NCAM2: variants seen among roughly 807,000 people sequenced by gnomAD.
NCAM2 encodes neural cell adhesion molecule 2.
A neutral mutation model predicts 98.1 loss-of-function variants in NCAM2; 30 were observed. That is an observed-to-expected ratio of 0.31 (90% confidence interval 0.23 to 0.41). NCAM2 has a LOEUF of 0.41. NCAM2 is among the 10% of genes least tolerant of loss of function. The probability of loss-of-function intolerance (pLI) is 1.00; values close to 1 mark genes in which losing one functional copy is unlikely to be tolerated. For missense variants in NCAM2, 867 were observed against 1,005.8 expected (o/e 0.86, Z 1.87); for synonymous variants, 368 against 342.4 (o/e 1.07, Z -0.83).
In NCAM2 at chr21:21,167,527, A is replaced by G. The variant is rs150818582; in HGVS notation, c.56-113051A>G. 2.4e-3 allele frequency among the ~76,000 whole-genome samples: 372 copies of G among 152,258 alleles called. 2 individuals carry two copies. Among genetic ancestry groups the G allele is most frequent in the African/African-American group, 8.2e-3 (339 of 41,566 alleles). ...ACAGGAAATCAAGAGAGAAAAATCA[A>G]TGTTTAATAAGATTAGATAAGAGTA... On this transcript the variant is annotated intron_variant, in intron 1 of 17. Coordinates refer to ENST00000400546, the MANE Select transcript of NCAM2 (RefSeq NM_004540.5).
At chr21:21,342,542 T>G (rs1231835347) in intron 8 of NCAM2, among the ~76,000 whole-genome samples, 1 of 152,166 alleles carries the variant, frequency 6.6e-6, no homozygotes, top group Admixed American at 6.6e-5. Flanking sequence ...GCCTGCTGTC[T>G]TTTGTGGCAG....
intron 14 of NCAM2, among the ~76,000 whole-genome samples, chr21:21,470,270 C>G (rs1461814731): frequency 6.6e-6 from 1 of 151,980 alleles, no homozygotes; most frequent in African/African-American, 2.4e-5. Flanking sequence ...TATACATATA[C>G]ACAGTTTAAA....
intron 1 of NCAM2, among the ~76,000 whole-genome samples, chr21:21,175,257 G>A (rs998046876): frequency 2.6e-5 from 4 of 152,028 alleles, no homozygotes; most frequent in African/African-American, 7.2e-5. Flanking sequence ...GGTGGTGGCC[G>A]GGTACCGTGG....
chr21:21,311,162 A>C (rs2074037651), intron 5 of NCAM2, among the ~76,000 whole-genome samples: 1 of 152,204 alleles, frequency 6.6e-6, no homozygotes, highest in Non-Finnish European at 1.5e-5. Context: ...GCTTTATATT[A>C]GTTTTAAAAG....
chr21:21,392,209 G>T (rs1236168583), intron 9 of NCAM2, among the ~76,000 whole-genome samples: 1 of 152,120 alleles, frequency 6.6e-6, no homozygotes, highest in East Asian at 1.9e-4. Flanking sequence ...ATAATTGGTT[G>T]TCTGTTCCTA....
intron 1 of NCAM2, among the ~76,000 whole-genome samples, chr21:21,265,485 TACAC>T (rs1444600026): frequency 7.2e-6 from 1 of 139,500 alleles, no homozygotes; most frequent in African/African-American, 2.7e-5. Context: ...ATATTATATA[TACAC>T]ATATATAATA....
chr21:21,421,705 A>G (rs1225006243), intron 11 of NCAM2, among the ~76,000 whole-genome samples: 1 of 152,192 alleles, frequency 6.6e-6, no homozygotes. Flanking sequence ...ATTTCCTAAT[A>G]TATGAGGATA....
At chr21:21,462,979 A>G (rs1983187993) in intron 12 of NCAM2, among the ~76,000 whole-genome samples, 1 of 152,068 alleles carries the variant, frequency 6.6e-6, no homozygotes, top group Non-Finnish European at 1.5e-5. Context: ...TTTCTAGTAA[A>G]TTACAAGGCA....
chr21:21,228,619 G>GATAC (rs2070489558), intron 1 of NCAM2, among the ~76,000 whole-genome samples: 1 of 151,292 alleles, frequency 6.6e-6, no homozygotes, highest in South Asian at 2.1e-4. Flanking sequence ...TGTTAAAAAG[G>GATAC]ATACAGTTCA....
chr21:20,999,933 G>A (rs1303912808), intron 1 of NCAM2, among the ~76,000 whole-genome samples: 1 of 152,156 alleles, frequency 6.6e-6, no homozygotes, highest in East Asian at 1.9e-4. Context: ...ACGATTGGAT[G>A]CAGATTTAAT....
chr21:21,049,386 A>G (rs1409166961), intron 1 of NCAM2, among the ~76,000 whole-genome samples: 1 of 152,130 alleles, frequency 6.6e-6, no homozygotes, highest in African/African-American at 2.4e-5. Flanking sequence ...TGCCCATAAA[A>G]CACCACTACA....
At chr21:21,432,309 G>C in intron 12 of NCAM2, 28 bp downstream of exon 12, 1 of 1,603,552 alleles carries the variant, frequency 6.2e-7, no homozygotes, top group South Asian at 1.1e-5. Flanking sequence ...AAATGTGTTG[G>C]TTAATTCAAG....
At chr21:21,446,604 T>C (rs1194024654) in intron 12 of NCAM2, among the ~76,000 whole-genome samples, 1 of 152,048 alleles carries the variant, frequency 6.6e-6, no homozygotes, top group African/African-American at 2.4e-5. Context: ...AGAGAGGAAG[T>C]CAAATTGTCT....
intron 1 of NCAM2, among the ~76,000 whole-genome samples, chr21:21,018,209 C>G (rs1201391896): frequency 6.6e-6 from 1 of 152,140 alleles, no homozygotes; most frequent in Non-Finnish European, 1.5e-5. Flanking sequence ...GAGCTAAACA[C>G]CTCTCCCCAC....
intron 1 of NCAM2, among the ~76,000 whole-genome samples, chr21:21,105,327 A>G (rs181437659): frequency 2.7e-4 from 41 of 152,262 alleles, no homozygotes; most frequent in African/African-American, 9.4e-4. Flanking sequence ...TTTTAAATAA[A>G]AATGAATCAA....
At chr21:21,207,691 A>G (rs905680108) in intron 1 of NCAM2, among the ~76,000 whole-genome samples, 5 of 152,196 alleles carry the variant, frequency 3.3e-5, no homozygotes, top group African/African-American at 1.2e-4. Flanking sequence ...CTATTCCAGG[A>G]TGGCATGAGG....
intron 12 of NCAM2, among the ~76,000 whole-genome samples, chr21:21,445,746 A>C (rs1190307140): frequency 6.6e-6 from 1 of 152,098 alleles, no homozygotes; most frequent in African/African-American, 2.4e-5. Context: ...TCTCCAGAAT[A>C]CAACACACTG....
intron 1 of NCAM2, among the ~76,000 whole-genome samples, chr21:21,013,205 G>T (rs369801318): frequency 4.1e-4 from 63 of 152,310 alleles, no homozygotes; most frequent in African/African-American, 1.5e-3. Context: ...TAGGCCTCCT[G>T]TGCCGGTTAA....
chr21:21,021,184 T>C (rs1040994786), intron 1 of NCAM2, among the ~76,000 whole-genome samples: 1 of 135,132 alleles, frequency 7.4e-6, no homozygotes, highest in African/African-American at 3.4e-5. Flanking sequence ...CTATGGATCA[T>C]TTTTTTTTTG....
Sources: gnomAD v4.1 joint callset for allele counts (sites outside exome capture counted in the v4.1 genomes callset) on GRCh38, gnomAD v4.1.1 for gene constraint, MANE v1.5 for transcripts, NCBI Gene and HGNC (gene_info 2026-07-23, HGNC 2026-07-21) for gene names.